Variants in NDUFAF6 observed in about 807,000 individuals in gnomAD.
NDUFAF6 encodes NADH dehydrogenase (ubiquinone) complex I, assembly factor 6.
NDUFAF6 carries 45 observed loss-of-function variants against 40.8 expected under a neutral mutation model. That is an observed-to-expected ratio of 1.10 (90% confidence interval 0.87 to 1.42). The LOEUF (loss-of-function observed/expected upper bound fraction) is 1.42. Ranked by LOEUF, NDUFAF6 falls within the 40% of genes most tolerant of loss-of-function variation. The pLI is 0.00. For missense variants in NDUFAF6, 435 were observed against 418.5 expected, an observed-to-expected ratio of 1.04 and a Z score of -0.34; for synonymous variants, 185 against 155.9, an observed-to-expected ratio of 1.19 and a Z score of -1.39.
chr8:95,037,819 G>GA (rs59511473), intron 3 of NDUFAF6, among the ~76,000 whole-genome samples: 18 of 150,126 alleles, frequency 1.2e-4, no homozygotes, highest in East Asian at 3.9e-4. Context: ...TGACATGGCA[G>GA]AAAAAAAAAC....
In NDUFAF6 at chr8:95,016,548, T is replaced by C. The variant is rs371971838; in HGVS notation, c.-83-15447T>C. 2.7e-4 allele frequency among the ~76,000 whole-genome samples: 41 copies of C among 152,256 alleles called. No individual in the cohort carries two copies. The South Asian group carries it at 7.9e-3, about 29-fold the overall frequency. On this transcript the variant is annotated intron_variant, in intron 2 of 9. Transcript: ENST00000396111. The stretch of plus-strand genomic sequence containing the variant: ...TCATGAGGTCAAGAGATCGAGACCA[T>C]CCTGGCAACATGGTGAAACCCTGTC...
intron 1 of NDUFAF6, among the ~76,000 whole-genome samples, chr8:94,911,359 G>A (rs1818768526): frequency 1.3e-5 from 2 of 152,326 alleles, no homozygotes; most frequent in South Asian, 4.1e-4. Context: ...CTACCTCACA[G>A]TATATAATTA....
chr8:95,070,037 C>T lies in NDUFAF6; in HGVS notation c.*512-5596C>T, dbSNP rs150415329. On this transcript the variant is annotated intron_variant and NMD_transcript_variant, in intron 9 of 9. Coordinates refer to the NDUFAF6 transcript ENST00000520757. ...GCTCCTTCACTCATGAACTGTGTAC[C>T]TAGACAGAGACACAGCTCAGGGCAG... 3.6e-3 allele frequency among the ~76,000 whole-genome samples: 544 copies of T among 151,576 alleles called. 4 individuals are homozygous for T. The highest frequency in any genetic ancestry group is 0.012 in the African/African-American group (490 of 41,218).
chr8:94,963,451 T>A (rs1823764323), intron 1 of NDUFAF6, among the ~76,000 whole-genome samples: 1 of 151,956 alleles, frequency 6.6e-6, no homozygotes, highest in Non-Finnish European at 1.5e-5. Context: ...CCTAAGGAGG[T>A]CAGGGAATGA....
At chr8:94,926,868 A>T (rs1310029786) in intron 1 of NDUFAF6, 3 of 152,216 alleles carry the variant, frequency 2.0e-5, no homozygotes, top group African/African-American at 7.2e-5. Flanking sequence ...TTCTAAATAA[A>T]GCATTTTATG....
chr8:95,039,003 GT>G (rs1328797012), intron 3 of NDUFAF6, among the ~76,000 whole-genome samples: 4 of 150,418 alleles, frequency 2.7e-5, no homozygotes, highest in Non-Finnish European at 5.9e-5. Context: ...TTGAGACAGG[GT>G]GTTGCTCTGT....
intron 1 of NDUFAF6, among the ~76,000 whole-genome samples, chr8:94,960,272 T>G (rs1823458377): frequency 6.6e-6 from 1 of 152,250 alleles, no homozygotes; most frequent in Non-Finnish European, 1.5e-5. Flanking sequence ...AACATTTCCT[T>G]CTTGACATTG....
Position 95,032,177 on chromosome 8 carries a change from G to A in NDUFAF6, c.297+83G>A, listed in dbSNP as rs1828933245. ...TGCTGAACAATAAAGAAATATAGTT[G>A]TAATTTATATGTTAGATGTGTTTAA... On this transcript the variant is annotated intron_variant, in intron 2 of 8. Transcript: ENST00000396124. 7.6e-6 allele frequency: 9 copies of A among 1,185,098 alleles called. No homozygotes were observed. The East Asian group carries it at 2.1e-4, about 28-fold the overall frequency. 73.4% of individuals were successfully genotyped at this position (1,185,098 alleles called of 1,614,324 possible).
At chr8:95,096,792 A>G (rs1278283313), upstream of NDUFAF6, among the ~76,000 whole-genome samples, 1 of 152,232 alleles carries the variant, frequency 6.6e-6, no homozygotes, top group Non-Finnish European at 1.5e-5. Context: ...CAAAACTGCC[A>G]TACCAGGTTC....
intron 2 of NDUFAF6, chr8:95,087,694 T>C (rs186600735): frequency 4.0e-4 from 61 of 152,350 alleles, no homozygotes; most frequent in African/African-American, 1.4e-3. Context: ...CCCTTGTCCT[T>C]CTACTTTATT....
chr8:95,009,411 T>G (rs948496736), intron 2 of NDUFAF6, among the ~76,000 whole-genome samples: 3 of 152,160 alleles, frequency 2.0e-5, no homozygotes, highest in African/African-American at 7.2e-5. Context: ...ACCATCTGCA[T>G]GTAATTTGTA....
At chr8:94,966,860 AGTGG>A (rs1824052252) in intron 1 of NDUFAF6, among the ~76,000 whole-genome samples, 1 of 152,168 alleles carries the variant, frequency 6.6e-6, no homozygotes, top group Non-Finnish European at 1.5e-5. Flanking sequence ...CTGCCAGCCA[AGTGG>A]GGCTGCTTTT....
chr8:94,997,520 T>C (rs563063559), intron 2 of NDUFAF6, among the ~76,000 whole-genome samples: 4 of 152,324 alleles, frequency 2.6e-5, no homozygotes, highest in African/African-American at 7.2e-5. Flanking sequence ...GTGACTTTAA[T>C]AGAGGACATT....
chr8:94,970,215 A>G (rs1319014843), intron 1 of NDUFAF6, among the ~76,000 whole-genome samples: 2 of 144,724 alleles, frequency 1.4e-5, no homozygotes, highest in African/African-American at 5.1e-5. Context: ...AGATCACACC[A>G]CTGCACTCCA....
At chr8:94,982,688 A>G (rs1825544141) in intron 2 of NDUFAF6, among the ~76,000 whole-genome samples, 1 of 152,236 alleles carries the variant, frequency 6.6e-6, no homozygotes, top group Non-Finnish European at 1.5e-5. Context: ...ACACACTGGC[A>G]TTACATTTGT....
chr8:95,000,664 C>T (rs138380058), intron 2 of NDUFAF6, among the ~76,000 whole-genome samples: 5 of 150,510 alleles, frequency 3.3e-5, no homozygotes, highest in African/African-American at 1.2e-4. Context: ...GGCTGGGCGT[C>T]GTGGCTTACA....
At chr8:95,017,882 T>C (rs16917224) in intron 2 of NDUFAF6, among the ~76,000 whole-genome samples, 19,974 of 152,206 alleles carry the variant, frequency 0.13, 1,338 homozygotes, top group Middle Eastern at 0.23. Flanking sequence ...ATGACATCCT[T>C]TGAAGAAAGA....
Position 95,041,617 on chromosome 8 carries a change from CGAT to C in NDUFAF6, c.471_473del (p.Asp157del). Reference sequence around the variant, plus strand: ...CTAAAAGATGGCTTATGAAAATCGTCGATGAAAGAGTGAGTCAAAATTGTTCAA... The same window carrying C: ...CTAAAAGATGGCTTATGAAAATCGTCGAAAGAGTGAGTCAAAATTGTTCAA... On this transcript the variant is annotated inframe_deletion, in exon 4 of 9. Coordinates refer to ENST00000396124, the MANE Select transcript of NDUFAF6 (RefSeq NM_152416.4). The C allele has an allele frequency of 6.2e-7, 1 of 1,611,748 alleles. No individual in the cohort carries two copies. The highest frequency in any genetic ancestry group is 1.1e-5 in the South Asian group (1 of 91,002).
rs182770725 is a variant in NDUFAF6 at position 95,032,839 on chromosome 8, C to A, written c.297+745C>A. 2.0e-5 allele frequency among the ~76,000 whole-genome samples: 3 copies of A among 152,252 alleles called. No individual in the cohort carries two copies. In the East Asian group the frequency reaches 5.8e-4, roughly 29 times the overall value. On this transcript the variant is annotated intron_variant, in intron 2 of 8. Coordinates refer to ENST00000396124, the MANE Select transcript of NDUFAF6 (RefSeq NM_152416.4). ...AGGATATGAATATGGCACCGAGGCACAACTGAGATTCACAACTGTGAGTCT... is the reference window on the plus strand; with the variant it reads ...AGGATATGAATATGGCACCGAGGCAAAACTGAGATTCACAACTGTGAGTCT...
Sources: allele counts gnomAD v4.1 joint callset (sites outside exome capture counted in the v4.1 genomes callset), GRCh38; gene constraint gnomAD v4.1.1; transcripts MANE v1.5; gene names NCBI Gene and HGNC (gene_info 2026-07-23, HGNC 2026-07-21).